The following BCOR variants were observed in gnomAD, a reference collection of about 807,000 sequenced individuals.
The protein encoded by BCOR is BCL-6 corepressor.
In BCOR, 10 loss-of-function variants were observed where a neutral mutation model predicts 86.7. That is an observed-to-expected ratio of 0.12 (90% confidence interval 0.07 to 0.20). BCOR has a LOEUF of 0.20. Ranked by LOEUF, BCOR falls within the 10% of genes least tolerant of loss-of-function variation. The probability of loss-of-function intolerance (pLI) is 1.00; values close to 1 mark genes in which losing one functional copy is unlikely to be tolerated. For missense variants in BCOR, 1,259 were observed against 1,452.1 expected (o/e 0.87, Z 2.16); for synonymous variants, 611 against 609.0 (o/e 1.00, Z -0.05).
At chrX:40,098,495 A>G (rs1182176922), upstream of BCOR, among the ~76,000 whole-genome samples, 1 of 110,743 alleles carries the variant, frequency 9.0e-6, no homozygotes, top group Non-Finnish European at 1.9e-5. Flanking sequence ...CGGCTCTCCC[A>G]GCCGCGCGCC....
At chrX:40,173,373 G>A (rs1208491247) in intron 1 of BCOR, among the ~76,000 whole-genome samples, 5 of 112,178 alleles carry the variant, frequency 4.5e-5, no homozygotes, top group Non-Finnish European at 9.4e-5. Flanking sequence ...CCATACATAA[G>A]GTGCTTAGAA....
chrX:40,142,858 C>T (rs1453911176), intron 1 of BCOR, among the ~76,000 whole-genome samples: 2 of 111,871 alleles, frequency 1.8e-5, no homozygotes, highest in Non-Finnish European at 3.8e-5. Flanking sequence ...TCCTCTCTCT[C>T]GGAAGATTCA....
intron 1 of BCOR, among the ~76,000 whole-genome samples, chrX:40,151,282 T>C (rs1451362441): frequency 8.9e-6 from 1 of 112,074 alleles, no homozygotes; most frequent in Admixed American, 9.4e-5. Flanking sequence ...CTGACAGGGA[T>C]TGGGGCAAGC....
intron 1 of BCOR, among the ~76,000 whole-genome samples, chrX:40,109,988 G>C (rs1242586945): frequency 8.9e-6 from 1 of 112,295 alleles, no homozygotes; most frequent in Non-Finnish European, 1.9e-5. Flanking sequence ...CCGGGTCCCC[G>C]GGCCCGTTCT....
intron 1 of BCOR, among the ~76,000 whole-genome samples, chrX:40,174,777 C>T (rs1054685146): frequency 9.7e-5 from 11 of 113,029 alleles, no homozygotes; most frequent in Admixed American, 6.5e-4. Context: ...CAGCCCCGCA[C>T]CTCCTGAGCA....
At chrX:40,059,753 G>C (rs190573761) in intron 10 of BCOR, among the ~76,000 whole-genome samples, 1 of 113,059 alleles carries the variant, frequency 8.8e-6, no homozygotes, top group African/African-American at 3.2e-5. Context: ...ACCGCAAAAT[G>C]TAACCATAAA....
intron 1 of BCOR, among the ~76,000 whole-genome samples, chrX:40,150,433 G>C (rs900481188): frequency 1.5e-4 from 17 of 112,414 alleles, no homozygotes; most frequent in Middle Eastern, 4.6e-3. Flanking sequence ...GATTGAGTTG[G>C]AAATCTTGCT....
At chrX:40,151,863 G>T (rs1298139016) in intron 1 of BCOR, among the ~76,000 whole-genome samples, 1 of 112,223 alleles carries the variant, frequency 8.9e-6, no homozygotes, top group African/African-American at 3.2e-5. Flanking sequence ...CCCTCGCTCG[G>T]CCCCTCCCGT....
At chrX:40,135,397 T>C (rs1439587095) in intron 1 of BCOR, among the ~76,000 whole-genome samples, 6 of 110,088 alleles carry the variant, frequency 5.5e-5, no homozygotes, top group Non-Finnish European at 9.5e-5. Context: ...TCTTTTCTTT[T>C]TTTTTTTTTG....
intron 1 of BCOR, among the ~76,000 whole-genome samples, chrX:40,141,985 C>T (rs1394367380): frequency 9.0e-6 from 1 of 111,620 alleles, no homozygotes; most frequent in East Asian, 2.8e-4. Context: ...CCTCCCATTC[C>T]CCAGCCCCTT....
intron 1 of BCOR, among the ~76,000 whole-genome samples, chrX:40,156,926 C>A (rs1234043682): frequency 8.8e-6 from 1 of 113,825 alleles, no homozygotes; most frequent in Non-Finnish European, 1.9e-5. Context: ...CCGCGCTTCC[C>A]GCGAGGGGCA....
intron 1 of BCOR, among the ~76,000 whole-genome samples, chrX:40,112,920 C>T (rs1843944851): frequency 9.2e-6 from 1 of 108,559 alleles, no homozygotes; most frequent in African/African-American, 3.4e-5. Context: ...GTGCTTAAAG[C>T]AGAATCCTAG....
intron 6 of BCOR, among the ~76,000 whole-genome samples, chrX:40,069,346 T>C (rs1935358398): frequency 8.9e-6 from 1 of 112,090 alleles, no homozygotes; most frequent in African/African-American, 3.2e-5. Context: ...GGCCCTGTCC[T>C]GGGTGCTCCA....
At chrX:40,083,782 C>G (rs1329574823) in intron 1 of BCOR, among the ~76,000 whole-genome samples, 2 of 112,336 alleles carry the variant, frequency 1.8e-5, no homozygotes, top group African/African-American at 6.5e-5. Flanking sequence ...CGCGCCCCCG[C>G]CAGGCCTTCC....
At chrX:40,052,512 G>A in intron 14 of BCOR, 112 bp from the exon 15 acceptor site, 1 of 627,329 alleles carries the variant, frequency 1.6e-6, no homozygotes, top group Admixed American at 3.0e-5. Context: ...CTTTCATTCT[G>A]CTCCCACCCC....
At position 40,077,972 on chromosome X, in the gene BCOR, GT is replaced by G. The variant is rs1935894532; in HGVS notation, c.-40-4del. The G allele has an allele frequency of 9.0e-7, 1 of 1,111,456 alleles. No individual in the cohort carries two copies. The highest frequency in any genetic ancestry group is 3.0e-5 in the East Asian group (1 of 33,416). The allele number at this position is 1,111,456 out of a possible 1,213,427, so 91.6% of individuals were successfully genotyped here. A position where few individuals can be genotyped will look rare whatever the true frequency, so the allele number is the denominator to read the frequency against. ...CAGCTTTGCTTCAAGCGTCTAGTCTGTTAAAAGGAAAGAAAAAAAATCCCAG... is the reference window on the plus strand; with the variant it reads ...CAGCTTTGCTTCAAGCGTCTAGTCTGTAAAAGGAAAGAAAAAAAATCCCAG... On this transcript the variant is annotated splice_polypyrimidine_tract_variant and splice_region_variant and intron_variant, in intron 1 of 14. Transcript: ENST00000378444.
chrX:40,149,139 A>G (rs891468153), intron 1 of BCOR, among the ~76,000 whole-genome samples: 1 of 106,908 alleles, frequency 9.4e-6, no homozygotes. Context: ...GATTTCAGAG[A>G]TCTCGTATCC....
chrX:40,170,493 G>A (rs776123305), intron 1 of BCOR, among the ~76,000 whole-genome samples: 1 of 110,195 alleles, frequency 9.1e-6, no homozygotes, highest in African/African-American at 3.3e-5. Context: ...GATTACAGGC[G>A]CCCGCCACCT....
chrX:40,099,851 CAA>C (rs1937037526), upstream of BCOR, among the ~76,000 whole-genome samples: 1 of 112,229 alleles, frequency 8.9e-6, no homozygotes. Flanking sequence ...ACAACTGATG[CAA>C]AAGACAGGCG....
Sources: allele counts gnomAD v4.1 joint callset (sites outside exome capture counted in the v4.1 genomes callset), GRCh38; gene constraint gnomAD v4.1.1; transcripts MANE v1.5; gene names NCBI Gene and HGNC (gene_info 2026-07-23, HGNC 2026-07-21).